LZTS1: variants seen among roughly 807,000 people sequenced by gnomAD.
LZTS1 encodes leucine zipper tumor suppressor 1, also known as leucine zipper putative tumor suppressor 1.
Under a neutral mutation model 45.8 loss-of-function variants are expected in LZTS1, and 31 were observed. The ratio of observed to expected loss-of-function variants is 0.68; its 90% CI spans 0.51 to 0.91. LZTS1 has a LOEUF of 0.91. LZTS1 is among the 40% of genes least tolerant of loss of function. The pLI is 0.00. For missense variants in LZTS1, 821 were observed against 788.9 expected, an observed-to-expected ratio of 1.04 and a Z score of -0.49; for synonymous variants, 359 against 357.3, an observed-to-expected ratio of 1.00 and a Z score of -0.05.
In LZTS1 at chr8:20,249,084, G is replaced by A. The variant is rs146519166; in HGVS notation, c.*638C>T. The stretch of plus-strand genomic sequence containing the variant: ...CACCCGCCACTGGCTCTCAACCCTT[G>A]GATTCTCCCTCTGCCCTCCTCTGGC... On this transcript the variant is annotated 3_prime_UTR_variant, in exon 4 of 4. Coordinates refer to ENST00000381569, the MANE Select transcript of LZTS1 (RefSeq NM_021020.5). The A allele has an allele frequency of 6.5e-6, 1 of 153,120 alleles. No individual in the cohort carries two copies. The highest frequency in any genetic ancestry group is 2.4e-5 in the African/African-American group (1 of 41,448). The allele number at this position is 153,120 out of a possible 1,614,324, so 9.5% of individuals were successfully genotyped here.
At chr8:20,261,457 A>C (rs1800226895) in intron 1 of LZTS1, among the ~76,000 whole-genome samples, 1 of 152,026 alleles carries the variant, frequency 6.6e-6, no homozygotes, top group Non-Finnish European at 1.5e-5. Context: ...CTCCACCAGG[A>C]CGGGGAGGGG....
intron 1 of LZTS1, among the ~76,000 whole-genome samples, chr8:20,268,905 G>A (rs555588935): frequency 7.2e-5 from 11 of 152,166 alleles, no homozygotes; most frequent in Admixed American, 7.2e-4. Context: ...GAAGCAATTC[G>A]GCTTCCCACT....
rs1356212595 is a variant in LZTS1, at chr8:20,249,690, A to G, written c.*32T>C. 1 of 1,571,678 alleles carries G rather than the reference A, an allele frequency of 6.4e-7. No homozygotes were observed. The highest frequency in any genetic ancestry group is 1.2e-5 in the South Asian group (1 of 85,860). ...CGGGAGAGCCCTGCCTCCCAGTGCC[A>G]GGTCCCCAGACTCGCCTTCCCAGGC... On this transcript the variant is annotated 3_prime_UTR_variant, in exon 4 of 4. Transcript: ENST00000381569.
intron 1 of LZTS1, among the ~76,000 whole-genome samples, chr8:20,299,975 G>A (rs1801047544): frequency 6.6e-6 from 1 of 152,214 alleles, no homozygotes; most frequent in Non-Finnish European, 1.5e-5. Context: ...GGCTCAAAGT[G>A]CAGGATTTTA....
At chr8:20,270,797 C>CTGTGTG (rs745917836) in intron 1 of LZTS1, among the ~76,000 whole-genome samples, 1,002 of 99,388 alleles carry the variant, frequency 0.01, 11 homozygotes, top group Middle Eastern at 0.034. Context: ...CGAGTGTGTC[C>CTGTGTG]TCTGTGTGTG....
intron 1 of LZTS1, among the ~76,000 whole-genome samples, chr8:20,273,372 A>G (rs1167636093): frequency 6.6e-6 from 1 of 152,096 alleles, no homozygotes; most frequent in Non-Finnish European, 1.5e-5. Flanking sequence ...GATGATTTTT[A>G]GATCGTTATC....
rs1025796624 is a variant in LZTS1, at chr8:20,249,644, T to C, written c.*78A>G. ...GTGGCGTCTCTCAGAGGGGTCTGAA[T>C]TGCTGAGCAGGGGGGATGCACGGGA... On this transcript the variant is annotated 3_prime_UTR_variant, in exon 4 of 4. Transcript: ENST00000381569. 39 of 1,516,912 alleles carry C rather than the reference T, an allele frequency of 2.6e-5. 2 individuals carry two copies. In the Admixed American group the frequency reaches 7.2e-4, roughly 28 times the overall value. 94.0% of individuals were successfully genotyped at this position (1,516,912 alleles called of 1,614,324 possible). A position where few individuals can be genotyped will look rare whatever the true frequency, so the allele number is the denominator to read the frequency against.
chr8:20,253,079 A>ATGATTT lies in LZTS1; in HGVS notation c.851_852insAAATCA (p.Phe284delinsLeuAsnHis). 2 of 1,609,194 alleles carry ATGATTT rather than the reference A, an allele frequency of 1.2e-6. 1 individual carries two copies. On this transcript the variant is annotated protein_altering_variant, in exon 3 of 4. Transcript: ENST00000381569. Reference sequence around the variant, plus strand: ...GGCTGGAGGCAAGCTCCTTCTCCTCAAAGCTGCGCTGCAGCTTCTGGAGGG... The same window carrying ATGATTT: ...GGCTGGAGGCAAGCTCCTTCTCCTCATGATTTAAGCTGCGCTGCAGCTTCTGGAGGG...
At chr8:20,262,108 C>G (rs566367274) in intron 1 of LZTS1, among the ~76,000 whole-genome samples, 2 of 152,196 alleles carry the variant, frequency 1.3e-5, no homozygotes, top group Non-Finnish European at 2.9e-5. Context: ...TCCATTCCCC[C>G]CCAGAACTTT....
At chr8:20,258,544 C>T (rs1309621279) in intron 1 of LZTS1, among the ~76,000 whole-genome samples, 1 of 152,132 alleles carries the variant, frequency 6.6e-6, no homozygotes, top group Non-Finnish European at 1.5e-5. Context: ...CACAACAAAA[C>T]TTCGTTGTGT....
intron 1 of LZTS1, among the ~76,000 whole-genome samples, chr8:20,272,082 A>G (rs140732623): frequency 3.9e-5 from 6 of 152,358 alleles, no homozygotes; most frequent in Non-Finnish European, 7.3e-5. Flanking sequence ...CCCTGTAGGC[A>G]TAGCACTGAG....
chr8:20,276,205 C>T (rs1800577953), intron 1 of LZTS1, among the ~76,000 whole-genome samples: 2 of 151,050 alleles, frequency 1.3e-5, no homozygotes. Context: ...TCTTTGACCC[C>T]ATTTCCTGGC....
chr8:20,297,721 T>G (rs900755213), intron 1 of LZTS1, among the ~76,000 whole-genome samples: 10 of 152,136 alleles, frequency 6.6e-5, no homozygotes, highest in Admixed American at 3.3e-4. Flanking sequence ...AGGCCCTAGT[T>G]TATTGTTTAT....
At chr8:20,300,254 C>T (rs1801051809) in intron 1 of LZTS1, among the ~76,000 whole-genome samples, 1 of 152,212 alleles carries the variant, frequency 6.6e-6, no homozygotes, top group Non-Finnish European at 1.5e-5. Flanking sequence ...TCTCTGAGAG[C>T]TCTCATCTTT....
chr8:20,285,707 A>C (rs1800780565), intron 1 of LZTS1, among the ~76,000 whole-genome samples: 1 of 152,258 alleles, frequency 6.6e-6, no homozygotes, highest in Non-Finnish European at 1.5e-5. Flanking sequence ...TTAGATACTA[A>C]AATGCAAAGG....
In LZTS1 at chr8:20,255,115, A is replaced by G; in HGVS notation, c.67T>C (p.Tyr23His). The G allele has an allele frequency of 6.2e-7, 1 of 1,614,214 alleles. No homozygotes were observed. Among genetic ancestry groups the G allele is most frequent in the Non-Finnish European group, 8.5e-7 (1 of 1,180,040 alleles). The change falls in exon 2 of 4, where the codon TAC becomes CAC. Residue 23 changes from tyrosine (Y) to histidine (H), a missense_variant. Transcript: ENST00000381569. ...FHSKHCRASQ[Y>H]KLRKSSHLKK... ...AGGTGGGAGGACTTGCGCAGCTTGT[A>G]CTGCGAAGCCCGGCAGTGCTTGCTG... is the stretch of plus-strand genomic sequence containing the variant.
At position 20,274,355 on chromosome 8, in the gene LZTS1, C is replaced by G. The variant is rs183244615; in HGVS notation, c.-134-19040G>C. On this transcript the variant is annotated intron_variant, in intron 1 of 3. Coordinates refer to ENST00000381569, the MANE Select transcript of LZTS1 (RefSeq NM_021020.5). ...CCCAAATGCAACACCATAAAACACT[C>G]TACACAGTGGGTGTTTACGAACTTT... Among the ~76,000 whole-genome samples the G allele has an allele frequency of 1.8e-3, 272 of 152,330 alleles. No homozygotes were observed. The Middle Eastern group carries it at 0.024, about 13-fold the overall frequency.
rs1799859554 is a variant in LZTS1 at position 20,250,259 on chromosome 8, CTG to C, written c.1252_1253del (p.Gln418AlafsTer33). ...KASEILGLKA[Q>X]LKDTRGKLEG... ...CCAGCTTGCCCCGCGTGTCCTTCAGCTGTGCCTTGAGACCCAGGATCTCGCTA... is the reference window on the plus strand; with the variant it reads ...CCAGCTTGCCCCGCGTGTCCTTCAGCTGCCTTGAGACCCAGGATCTCGCTA... On this transcript the variant is annotated frameshift_variant, in exon 4 of 4. Coordinates refer to ENST00000381569, the MANE Select transcript of LZTS1 (RefSeq NM_021020.5). LOFTEE classifies it high-confidence loss of function. 1 of 1,613,842 alleles carries C rather than the reference CTG, an allele frequency of 6.2e-7. No homozygotes were observed.
intron 1 of LZTS1, among the ~76,000 whole-genome samples, chr8:20,260,839 C>T (rs946448655): frequency 2.6e-5 from 4 of 152,140 alleles, no homozygotes; most frequent in Non-Finnish European, 4.4e-5. Context: ...AGCCCCGATA[C>T]CCAGCTGGCC....
Sources: allele counts gnomAD v4.1 joint callset (sites outside exome capture counted in the v4.1 genomes callset), GRCh38; gene constraint gnomAD v4.1.1; transcripts MANE v1.5; gene names NCBI Gene and HGNC (gene_info 2026-07-23, HGNC 2026-07-21).